The following AKR1C8 variants were observed in gnomAD, a reference collection of about 807,000 sequenced individuals.
The protein encoded by AKR1C8 is aldo-keto reductase family 1 member C8, also known as aldo-keto reductase family 1 member C-like protein 1.
At chr10:5,175,880 C>A in the AKR1C8 span, among the ~76,000 whole-genome samples, 5 of 152,174 alleles carry the variant, frequency 3.3e-5, no homozygotes, top group East Asian at 3.9e-4. Context: ...GATATTAGCC[C>A]TTTGTCAGAT....
At chr10:5,141,978 T>C in the AKR1C8 span, among the ~76,000 whole-genome samples, 46 of 152,244 alleles carry the variant, frequency 3.0e-4, no homozygotes, top group African/African-American at 1.1e-3. Context: ...ATGGCACCTT[T>C]TTTGGTACAA....
chr10:5,178,081 A>G, the AKR1C8 span, among the ~76,000 whole-genome samples: 1 of 151,962 alleles, frequency 6.6e-6, no homozygotes, highest in Non-Finnish European at 1.5e-5. Flanking sequence ...TAGGGTGTCA[A>G]TTTTAGATCT....
At chr10:5,151,015 G>C in the AKR1C8 span, among the ~76,000 whole-genome samples, 1 of 152,142 alleles carries the variant, frequency 6.6e-6, no homozygotes, top group African/African-American at 2.4e-5. Context: ...GTGGGTAGGG[G>C]ACCAGTGAGT....
the AKR1C8 span, among the ~76,000 whole-genome samples, chr10:5,139,602 A>G: frequency 6.6e-6 from 1 of 152,344 alleles, no homozygotes; most frequent in Middle Eastern, 3.4e-3. Context: ...AGCCATATAT[A>G]GAAAGCTGAA....
the AKR1C8 span, among the ~76,000 whole-genome samples, chr10:5,143,415 C>A: frequency 6.6e-6 from 1 of 152,160 alleles, no homozygotes; most frequent in African/African-American, 2.4e-5. Context: ...GCTTCTCAGG[C>A]TTTCAGCCTT....
the AKR1C8 span, among the ~76,000 whole-genome samples, chr10:5,127,984 G>A: frequency 6.6e-6 from 1 of 152,040 alleles, no homozygotes; most frequent in Admixed American, 6.6e-5. Context: ...ATAGTCATGA[G>A]TCTATCTAAA....
the AKR1C8 span, among the ~76,000 whole-genome samples, chr10:5,136,377 G>A: frequency 4.8e-3 from 723 of 152,122 alleles, 14 homozygotes; most frequent in African/African-American, 0.016. Flanking sequence ...ACGAAACCTC[G>A]TCTCTACCAA....
chr10:5,176,642 C>G, the AKR1C8 span, among the ~76,000 whole-genome samples: 1 of 152,040 alleles, frequency 6.6e-6, no homozygotes, highest in Non-Finnish European at 1.5e-5. Flanking sequence ...TTTGTATCCT[C>G]TTTTATTTCC....
chr10:5,122,033 G>C, the AKR1C8 span: 1 of 258,174 alleles, frequency 3.9e-6, no homozygotes, highest in Non-Finnish European at 8.0e-6. Context: ...GTGTCCCTCT[G>C]TTTTTGTGCA....
the AKR1C8 span, among the ~76,000 whole-genome samples, chr10:5,140,722 A>T: frequency 1.3e-5 from 2 of 151,894 alleles, no homozygotes; most frequent in African/African-American, 4.8e-5. Flanking sequence ...GGTGCTGCAA[A>T]CCAACATGGC....
At chr10:5,175,345 T>G in the AKR1C8 span, among the ~76,000 whole-genome samples, 547 of 152,236 alleles carry the variant, frequency 3.6e-3, 4 homozygotes, top group African/African-American at 0.013. Context: ...ATGGTGTATA[T>G]GTGCCACATT....
At chr10:5,183,317 G>A in the AKR1C8 span, among the ~76,000 whole-genome samples, 2 of 152,004 alleles carry the variant, frequency 1.3e-5, no homozygotes, top group African/African-American at 2.4e-5. Context: ...GAGAAAAGAA[G>A]ACCAAAAAAA....
At chr10:5,181,409 T>C in the AKR1C8 span, among the ~76,000 whole-genome samples, 1,113 of 152,326 alleles carry the variant, frequency 7.3e-3, 16 homozygotes, top group African/African-American at 0.024. Context: ...ACAAATGACT[T>C]ATGGTAATCT....
At chr10:5,156,231 T>C in the AKR1C8 span, among the ~76,000 whole-genome samples, 1 of 152,122 alleles carries the variant, frequency 6.6e-6, no homozygotes, top group Non-Finnish European at 1.5e-5. Flanking sequence ...AAAAAGCATT[T>C]TCTGGACAAC....
the AKR1C8 span, among the ~76,000 whole-genome samples, chr10:5,119,941 G>A: frequency 6.6e-6 from 1 of 152,098 alleles, no homozygotes; most frequent in Non-Finnish European, 1.5e-5. Flanking sequence ...AAAAGTTGTT[G>A]GGAACAGGCC....
chr10:5,132,900 T>C, the AKR1C8 span: 2 of 334,384 alleles, frequency 6.0e-6, no homozygotes, highest in Non-Finnish European at 5.5e-6. Context: ...GGGTGATAAA[T>C]CCATCCCAAT....
At chr10:5,124,730 A>G in the AKR1C8 span, among the ~76,000 whole-genome samples, 2 of 152,162 alleles carry the variant, frequency 1.3e-5, no homozygotes, top group African/African-American at 4.8e-5. Flanking sequence ...CTTGATAATT[A>G]TCATCCAGCA....
At chr10:5,131,423 A>G in the AKR1C8 span, among the ~76,000 whole-genome samples, 1 of 152,098 alleles carries the variant, frequency 6.6e-6, no homozygotes, top group East Asian at 1.9e-4. Flanking sequence ...ATTTTTGCAA[A>G]CTACGCTTCC....
the AKR1C8 span, among the ~76,000 whole-genome samples, chr10:5,127,722 CAAAAAAAAAAAAAAAA>C: frequency 3.8e-5 from 3 of 79,660 alleles, no homozygotes; most frequent in South Asian, 1.5e-3. Flanking sequence ...AAGACTCTGT[CAAAAAAAAAAAAAAAA>C]AAAAAAAAAA....
Sources: gnomAD v4.1 joint callset for allele counts (sites outside exome capture counted in the v4.1 genomes callset) on GRCh38, gnomAD v4.1.1 for gene constraint, MANE v1.5 for transcripts, NCBI Gene and HGNC (gene_info 2026-07-23, HGNC 2026-07-21) for gene names.